The following GALNT10 variants were observed in gnomAD, a reference collection of about 807,000 sequenced individuals.
The protein encoded by GALNT10 is polypeptide N-acetylgalactosaminyltransferase 10.
In GALNT10, 41 loss-of-function variants were observed where a neutral mutation model predicts 75.0. The ratio of observed to expected loss-of-function variants is 0.55; its 90% confidence interval spans 0.43 to 0.71. GALNT10 has a LOEUF of 0.71. Ranked by LOEUF, GALNT10 falls within the 30% of genes least tolerant of loss-of-function variation. The probability of loss-of-function intolerance (pLI) is 0.00; values close to 1 mark genes in which losing one functional copy is unlikely to be tolerated. For synonymous variants in GALNT10, 302 were observed against 313.0 expected (o/e 0.96, Z 0.37); for missense variants, 727 against 818.5 (o/e 0.89, Z 1.36).
chr5:154,249,299 G>C (rs1483836007), intron 1 of GALNT10, among the ~76,000 whole-genome samples: 1 of 152,192 alleles, frequency 6.6e-6, no homozygotes, highest in East Asian at 1.9e-4. Flanking sequence ...AATGCTGCCG[G>C]ACTGGGGACC....
intron 1 of GALNT10, among the ~76,000 whole-genome samples, chr5:154,256,114 G>A (rs1753605162): frequency 6.6e-6 from 1 of 151,972 alleles, no homozygotes; most frequent in Non-Finnish European, 1.5e-5. Context: ...ATCCTTACAG[G>A]GCTTTGGGTA....
intron 1 of GALNT10, among the ~76,000 whole-genome samples, chr5:154,288,602 T>TC (rs145304090): frequency 1.3e-5 from 2 of 151,778 alleles, no homozygotes. Flanking sequence ...TCTCCCTCAC[T>TC]TCTTGCCATG....
chr5:154,337,119 A>G (rs1754955837), intron 4 of GALNT10, among the ~76,000 whole-genome samples: 1 of 152,192 alleles, frequency 6.6e-6, no homozygotes, highest in African/African-American at 2.4e-5. Flanking sequence ...TTACTTTACA[A>G]CTATTTTTTT....
intron 1 of GALNT10, among the ~76,000 whole-genome samples, chr5:154,209,633 G>A (rs558051836): frequency 4.8e-4 from 73 of 152,300 alleles, no homozygotes; most frequent in African/African-American, 1.8e-3. Flanking sequence ...AGCAGAAAGA[G>A]AGCAAGCACT....
intron 5 of GALNT10, among the ~76,000 whole-genome samples, chr5:154,379,628 A>G (rs1755704570): frequency 6.6e-6 from 1 of 152,240 alleles, no homozygotes; most frequent in Admixed American, 6.5e-5. Context: ...GAAGAAGGGC[A>G]GAGCAAACCA....
intron 4 of GALNT10, among the ~76,000 whole-genome samples, chr5:154,353,060 G>A (rs1210621314): frequency 1.3e-5 from 2 of 152,132 alleles, no homozygotes; most frequent in Admixed American, 6.5e-5. Context: ...TCCAGGGCAC[G>A]GATGAGGCCT....
At chr5:154,292,909 A>G (rs1258255259) in intron 1 of GALNT10, among the ~76,000 whole-genome samples, 1 of 152,190 alleles carries the variant, frequency 6.6e-6, no homozygotes, top group Non-Finnish European at 1.5e-5. Flanking sequence ...AGGACCTTCC[A>G]GCTCAGCTTC....
intron 3 of GALNT10, among the ~76,000 whole-genome samples, chr5:154,326,148 G>A (rs1011489865): frequency 6.6e-6 from 1 of 151,454 alleles, no homozygotes; most frequent in Non-Finnish European, 1.5e-5. Flanking sequence ...TGGCCAATAG[G>A]CATATGGAAA....
intron 1 of GALNT10, among the ~76,000 whole-genome samples, chr5:154,219,023 C>T (rs568793703): frequency 2.4e-4 from 36 of 152,318 alleles, no homozygotes; most frequent in African/African-American, 5.8e-4. Flanking sequence ...AGCCCTCCCC[C>T]GGCTCCCCTA....
chr5:154,329,625 C>T lies in GALNT10; in HGVS notation c.455C>T (p.Pro152Leu). 1 of 1,613,778 alleles carries T rather than the reference C, an allele frequency of 6.2e-7. No homozygotes were observed. The highest frequency in any genetic ancestry group is 1.1e-5 in the South Asian group (1 of 91,078). Reference protein sequence around the residue: ...ETLPNTSIIIPFHNEGWSSLL... With the variant: ...ETLPNTSIIILFHNEGWSSLL... Reference sequence around the variant, plus strand: ...CTTCCCAACACAAGCATCATCATCCCCTTCCACAACGAGGGCTGGTCCTCC... The same window carrying T: ...CTTCCCAACACAAGCATCATCATCCTCTTCCACAACGAGGGCTGGTCCTCC... The change falls in exon 4 of 12, where the codon CCC becomes CTC. Residue 152 changes from proline to leucine, a missense_variant. Physicochemically the swap from Pro to Leu is moderately conservative, Grantham distance 98. Coordinates refer to ENST00000297107, the MANE Select transcript of GALNT10 (RefSeq NM_198321.4).
intron 1 of GALNT10, among the ~76,000 whole-genome samples, chr5:154,208,406 T>A (rs1198381518): frequency 6.6e-6 from 1 of 152,222 alleles, no homozygotes; most frequent in African/African-American, 2.4e-5. Context: ...AAGCCATGGA[T>A]TTGCCTAGGA....
At chr5:154,285,089 A>G (rs1395417288) in intron 1 of GALNT10, among the ~76,000 whole-genome samples, 1 of 152,194 alleles carries the variant, frequency 6.6e-6, no homozygotes, top group African/African-American at 2.4e-5. Flanking sequence ...CAGCTTGAAC[A>G]CCAGTGATAA....
At chr5:154,329,866 TG>T (rs1359863670) in intron 4 of GALNT10, 128 bp downstream of exon 4, 204 of 603,286 alleles carry the variant, frequency 3.4e-4, no homozygotes, top group African/African-American at 3.3e-3. Flanking sequence ...GCCTGGACGT[TG>T]CACTGTGCAC....
chr5:154,408,905 C>CCA (rs1756337967), intron 8 of GALNT10, among the ~76,000 whole-genome samples: 1 of 152,096 alleles, frequency 6.6e-6, no homozygotes, highest in East Asian at 1.9e-4. Context: ...TGGCTGGATT[C>CCA]TGGTGTTAAA....
At chr5:154,297,143 A>G (rs1483529887) in intron 2 of GALNT10, among the ~76,000 whole-genome samples, 1 of 151,858 alleles carries the variant, frequency 6.6e-6, no homozygotes, top group African/African-American at 2.4e-5. Context: ...CCCACTTACC[A>G]TATGCACCTG....
intron 1 of GALNT10, among the ~76,000 whole-genome samples, chr5:154,226,152 A>G (rs1032091824): frequency 6.6e-6 from 1 of 152,086 alleles, no homozygotes; most frequent in African/African-American, 2.4e-5. Context: ...GAAAAAAAAA[A>G]GAAATTTAAC....
chr5:154,370,400 G>T (rs930252251), intron 4 of GALNT10, among the ~76,000 whole-genome samples: 1 of 152,292 alleles, frequency 6.6e-6, no homozygotes, highest in South Asian at 2.1e-4. Flanking sequence ...CCTTTGCAAG[G>T]GGCTGACCTA....
intron 3 of GALNT10, among the ~76,000 whole-genome samples, chr5:154,312,527 T>C (rs1202741080): frequency 6.6e-6 from 1 of 152,232 alleles, no homozygotes; most frequent in African/African-American, 2.4e-5. Context: ...TTGTGTTTTA[T>C]TCTACAAGTA....
At chr5:154,203,784 G>A (rs1775063711) in intron 1 of GALNT10, among the ~76,000 whole-genome samples, 1 of 152,222 alleles carries the variant, frequency 6.6e-6, no homozygotes, top group Non-Finnish European at 1.5e-5. Flanking sequence ...AGATCCCAGA[G>A]CTCTCTCTTG....
Sources: gnomAD v4.1 joint callset for allele counts (sites outside exome capture counted in the v4.1 genomes callset) on GRCh38, gnomAD v4.1.1 for gene constraint, MANE v1.5 for transcripts, NCBI Gene and HGNC (gene_info 2026-07-23, HGNC 2026-07-21) for gene names.